Variants in NSL1 observed in about 807,000 individuals in gnomAD.
NSL1 encodes kinetochore-associated protein NSL1 homolog.
Under a neutral mutation model 25.4 loss-of-function variants are expected in NSL1, and 11 were observed. The observed-to-expected ratio is 0.43, with a 90% confidence interval of 0.27 to 0.72. The LOEUF (loss-of-function observed/expected upper bound fraction) is 0.72. NSL1 is among the 30% of genes least tolerant of loss of function. The pLI is 0.19. For missense variants in NSL1, 330 were observed against 342.7 expected (o/e 0.96, Z 0.29); for synonymous variants, 118 against 120.6 (o/e 0.98, Z 0.14).
intron 4 of NSL1, among the ~76,000 whole-genome samples, chr1:212,752,873 A>G (rs1659130314): frequency 7.1e-6 from 1 of 141,324 alleles, no homozygotes; most frequent in Non-Finnish European, 1.5e-5. Context: ...AAGCCTGCCC[A>G]AATTCAGAAA....
intron 4 of NSL1, among the ~76,000 whole-genome samples, chr1:212,772,093 G>T (rs1660147484): frequency 6.6e-6 from 1 of 152,140 alleles, no homozygotes; most frequent in African/African-American, 2.4e-5. Flanking sequence ...CATTTAAGAA[G>T]TGCCGTTTGT....
Position 212,791,614 on chromosome 1 carries a change from T to C in NSL1, c.150A>G (p.Leu50=), listed in dbSNP as rs1661280020. The change falls in exon 1 of 6, where the codon CTA becomes CTG. Residue 50 remains leucine (L), a synonymous_variant. Transcript: ENST00000366977. ...CTSKRAVTEM[L]QLCGRFVQKL... is the part of the protein sequence containing the mutation. ...TTTGCACGAAGCGGCCGCACAGTTG[T>C]AGCATTTCGGTCACAGCCCGCTTCG... The C allele has an allele frequency of 6.2e-7, 1 of 1,613,802 alleles. No homozygotes were observed. The highest frequency in any genetic ancestry group is 1.1e-5 in the South Asian group (1 of 91,078).
chr1:212,782,018 A>C, intron 4 of NSL1: 1 of 540,586 alleles, frequency 1.8e-6, no homozygotes. Flanking sequence ...GTGTGACACT[A>C]TGAGAGAATG....
rs1657898518 is a variant in NSL1, at chr1:212,728,993, A to ATTTCTAAAGAAGCAGTCATTTGTCAATCT, written c.*9386_*9414dup. 1.0e-6 allele frequency: 1 copy of ATTTCTAAAGAAGCAGTCATTTGTCAATCT among 985,200 alleles called. No homozygotes were observed. The highest frequency in any genetic ancestry group is 1.2e-6 in the Non-Finnish European group (1 of 829,856). 61.0% of individuals were successfully genotyped at this position (985,200 alleles called of 1,614,324 possible). The stretch of plus-strand genomic sequence containing the variant: ...ATGAGGAGTAATTTTAGTAAGGAGG[A>ATTTCTAAAGAAGCAGTCATTTGTCAATCT]TTTCTAAAGAAGCAGTCATTTGTCA... On this transcript the variant is annotated 3_prime_UTR_variant, in exon 6 of 6. Coordinates refer to ENST00000366977, the MANE Select transcript of NSL1 (RefSeq NM_015471.4).
At position 212,729,379 on chromosome 1, in the gene NSL1, A is replaced by G. The variant is rs1366435349; in HGVS notation, c.*9029T>C. On this transcript the variant is annotated 3_prime_UTR_variant, in exon 6 of 6. Transcript: ENST00000366977. ...CCTTGGTTTACAGGTGTACATCCAC[A>G]CAGCTCTTAGCACAGTATTTAGATT... 2.0e-6 allele frequency: 2 copies of G among 982,938 alleles called. No homozygotes were observed. Among genetic ancestry groups the G allele is most frequent in the African/African-American group, 3.5e-5 (2 of 57,178 alleles). The allele number at this position is 982,938 out of a possible 1,614,324, so 60.9% of individuals were successfully genotyped here. A position where few individuals can be genotyped will look rare whatever the true frequency, so the allele number is the denominator to read the frequency against.
At chr1:212,754,678 G>A (rs148248348) in intron 4 of NSL1, among the ~76,000 whole-genome samples, 5 of 144,708 alleles carry the variant, frequency 3.5e-5, no homozygotes, top group African/African-American at 1.3e-4. Context: ...TCAGGAGGAT[G>A]AGGCAGGAGA....
At chr1:212,779,230 GT>G (rs1300647881) in intron 4 of NSL1, among the ~76,000 whole-genome samples, 2 of 150,320 alleles carry the variant, frequency 1.3e-5, no homozygotes, top group Non-Finnish European at 3.0e-5. Flanking sequence ...TGGGAGGGAG[GT>G]GGGGGGTGGG....
chr1:212,739,541 G>A lies in NSL1; in HGVS notation c.560C>T (p.Ala187Val). 6.2e-7 allele frequency: 1 copy of A among 1,613,236 alleles called. No individual in the cohort carries two copies. The highest frequency in any genetic ancestry group is 8.5e-7 in the Non-Finnish European group (1 of 1,179,634). ...TTAGCACATAGCTTTTACCTTCATG[G>A]CTTCACTGATCTCCTTTGCTACTGT... Reference protein sequence around the residue: ...GETVAKEISEAMKSLPALIEQ... With the variant: ...GETVAKEISEVMKSLPALIEQ... Residue 187 changes from alanine to valine, a missense_variant, in exon 5 of 6, where the codon GCC becomes GTC. By Grantham distance (64) the Ala-to-Val change is moderately conservative. Transcript: ENST00000366977.
intron 4 of NSL1, among the ~76,000 whole-genome samples, chr1:212,751,725 CAAAA>C (rs900122825): frequency 6.6e-6 from 1 of 151,340 alleles, no homozygotes; most frequent in African/African-American, 2.4e-5. Context: ...TTTTTAAAGA[CAAAA>C]GAAGGAAAAC....
intron 1 of NSL1, among the ~76,000 whole-genome samples, chr1:212,788,149 C>T (rs545653743): frequency 5.9e-5 from 9 of 152,306 alleles, no homozygotes; most frequent in South Asian, 2.1e-4. Flanking sequence ...TGCAGTGGCT[C>T]ACGCCTATAA....
intron 1 of NSL1, among the ~76,000 whole-genome samples, chr1:212,788,220 A>G (rs1215894543): frequency 6.6e-6 from 1 of 152,202 alleles, no homozygotes; most frequent in Non-Finnish European, 1.5e-5. Flanking sequence ...AGACCAGCCT[A>G]GGCAACACAC....
intron 4 of NSL1, among the ~76,000 whole-genome samples, chr1:212,757,400 G>A (rs1210804963): frequency 6.6e-6 from 1 of 152,156 alleles, no homozygotes. Flanking sequence ...TGGATGGAAG[G>A]AGACCAGGGT....
In NSL1 at chr1:212,745,136, A is replaced by AAAACAAAC. The variant is rs751318351; in HGVS notation, c.500-5543_500-5536dup. Among the ~76,000 whole-genome samples the AAAACAAAC allele has an allele frequency of 9.3e-4, 121 of 130,072 alleles. 1 individual carries two copies. The highest frequency in any genetic ancestry group is 1.6e-3 in the Non-Finnish European group (99 of 61,564). The allele number at this position is 130,072 out of a possible 152,430, so 85.3% of individuals were successfully genotyped here. A position where few individuals can be genotyped will look rare whatever the true frequency, so the allele number is the denominator to read the frequency against. On this transcript the variant is annotated intron_variant, in intron 4 of 5. Transcript: ENST00000366977. ...GGACAACAGAGTGAGACTCCATCTC[A>AAAACAAAC]AAACAAACAAACAAACAAACAAACT...
intron 1 of NSL1, among the ~76,000 whole-genome samples, chr1:212,789,442 C>T (rs968589436): frequency 6.6e-6 from 1 of 151,876 alleles, no homozygotes; most frequent in Non-Finnish European, 1.5e-5. Flanking sequence ...GAACTCCTGA[C>T]CTCAGGTGAT....
intron 4 of NSL1, among the ~76,000 whole-genome samples, chr1:212,747,541 C>T (rs75963195): frequency 6.6e-6 from 1 of 152,198 alleles, no homozygotes; most frequent in Non-Finnish European, 1.5e-5. Flanking sequence ...ATCTTGACTA[C>T]AACCTTGTGA....
At chr1:212,744,336 C>G (rs7550288) in intron 4 of NSL1, among the ~76,000 whole-genome samples, 34,385 of 151,982 alleles carry the variant, frequency 0.23, 4,576 homozygotes, top group African/African-American at 0.38. Flanking sequence ...TCCAAAAAAG[C>G]TTTAGAAAAG....
chr1:212,779,383 G>T (rs1290946945), intron 4 of NSL1, among the ~76,000 whole-genome samples: 4 of 137,730 alleles, frequency 2.9e-5, no homozygotes, highest in South Asian at 2.3e-4. Flanking sequence ...AGGGAGGTGG[G>T]GGGGTCAGCC....
intron 2 of NSL1, among the ~76,000 whole-genome samples, chr1:212,784,979 C>G (rs1016209802): frequency 3.3e-5 from 5 of 152,132 alleles, no homozygotes; most frequent in Admixed American, 1.3e-4. Flanking sequence ...GCAGTGGAAA[C>G]AGTATTTGCA....
chr1:212,738,615 G>A lies in NSL1; in HGVS notation c.639C>T (p.Leu213=). ...QVLRMQPVIH[L]QRIHQEVFSS... ...AAAAGACTTCTTGGTGAATCCTCTG[G>A]AGGTGGATAACAGGCTGCATCCTGA... is the stretch of plus-strand genomic sequence containing the variant. The change falls in exon 6 of 6, where the codon CTC becomes CTT. Residue 213 remains leucine, a synonymous_variant. Transcript: ENST00000366977. 6.2e-7 allele frequency: 1 copy of A among 1,614,134 alleles called. No individual in the cohort carries two copies. Among genetic ancestry groups the A allele is most frequent in the Non-Finnish European group, 8.5e-7 (1 of 1,179,996 alleles).
Sources: gnomAD v4.1 joint callset for allele counts (sites outside exome capture counted in the v4.1 genomes callset) on GRCh38, gnomAD v4.1.1 for gene constraint, MANE v1.5 for transcripts, NCBI Gene and HGNC (gene_info 2026-07-23, HGNC 2026-07-21) for gene names.